The following KCNQ1OT1 variants were observed in gnomAD, a reference collection of about 807,000 sequenced individuals.
KCNQ1OT1 encodes the protein KCNQ1 opposite strand/antisense transcript 1, also known as KCNQ1 antisense RNA 2 (non-protein coding).
chr11:2,625,880 T>C (rs1044652825), exon 1 of KCNQ1OT1: 2 of 398,562 alleles, frequency 5.0e-6, no homozygotes, highest in Non-Finnish European at 8.8e-6. Flanking sequence ...TTTTGCCCAT[T>C]TTTCAGGTGC....
chr11:2,627,514 C>G lies in KCNQ1OT1; in HGVS notation n.72481G>C, dbSNP rs574299058. 3.3e-5 allele frequency: 13 copies of G among 398,380 alleles called. No homozygotes were observed. Among genetic ancestry groups the G allele is most frequent in the Non-Finnish European group, 1.3e-5 (3 of 226,040 alleles). 24.7% of individuals were successfully genotyped at this position (398,380 alleles called of 1,614,324 possible). ...TACTCTCCGTTTCTCTGAGTTCAAG[C>G]TTTTTAGAATTCCATATGTAACTGG... On this transcript the variant is annotated non_coding_transcript_exon_variant, in exon 1 of 1. Transcript: ENST00000597346. This position sits in a 1 kb window ranked among gnomAD's most constrained non-coding sequence, Gnocchi z 4.9.
chr11:2,666,771 C>G (rs1850078117), exon 1 of KCNQ1OT1: 1 of 398,762 alleles, frequency 2.5e-6, no homozygotes, highest in African/African-American at 2.1e-5. Context: ...AGTGTCTAAG[C>G]TCCTCACCAT....
Position 2,657,610 on chromosome 11 carries a change from A to G in KCNQ1OT1, n.42385T>C, listed in dbSNP as rs749567946. ...TACATTGACCAAAACTAAAAAATTAACATTGGTACACTATTAAGCTAGAGT... is the reference window on the plus strand; with the variant it reads ...TACATTGACCAAAACTAAAAAATTAGCATTGGTACACTATTAAGCTAGAGT... On this transcript the variant is annotated non_coding_transcript_exon_variant, in exon 1 of 1. Coordinates refer to ENST00000597346, the Ensembl canonical transcript of KCNQ1OT1. The surrounding 1 kb of genome is among the most constrained non-coding windows in gnomAD (Gnocchi z 4.8). 7.3e-5 allele frequency: 29 copies of G among 398,524 alleles called. No homozygotes were observed. The highest frequency in any genetic ancestry group is 1.1e-4 in the Non-Finnish European group (25 of 226,074). The allele number at this position is 398,524 out of a possible 1,614,324, so 24.7% of individuals were successfully genotyped here.
exon 1 of KCNQ1OT1, chr11:2,694,582 A>G (rs776832943): frequency 8.0e-5 from 32 of 398,522 alleles, no homozygotes; most frequent in Non-Finnish European, 1.2e-4. Flanking sequence ...ATGGAGGCAC[A>G]CTTTCCTGGC....
chr11:2,689,242 C>A, exon 1 of KCNQ1OT1: 1 of 398,720 alleles, frequency 2.5e-6, no homozygotes, highest in South Asian at 1.3e-4. Context: ...GCTTTGAAGT[C>A]AGCCCTTGGA....
exon 1 of KCNQ1OT1, chr11:2,610,457 GGTTTTTATGGATTTGA>G: frequency 2.5e-6 from 1 of 397,998 alleles, no homozygotes; most frequent in Non-Finnish European, 4.4e-6. Flanking sequence ...CCACTTTTTT[GGTTTTTATGGATTTGA>G]GTTACCAACT....
At position 2,621,910 on chromosome 11, in the gene KCNQ1OT1, C is replaced by T; in HGVS notation, n.78085G>A. 2.5e-6 allele frequency: 1 copy of T among 398,102 alleles called. No individual in the cohort carries two copies. Among genetic ancestry groups the T allele is most frequent in the Non-Finnish European group, 4.4e-6 (1 of 225,872 alleles). The allele number at this position is 398,102 out of a possible 1,614,324, so 24.7% of individuals were successfully genotyped here. The stretch of plus-strand genomic sequence containing the variant: ...GATCTTTATTATTTCCTTCTGTTAA[C>T]TTTGGCTTTAGTTTGTTCTTCTTTT... On this transcript the variant is annotated non_coding_transcript_exon_variant, in exon 1 of 1. Transcript: ENST00000597346. This position sits in a 1 kb window ranked among gnomAD's most constrained non-coding sequence, Gnocchi z 5.7.
Position 2,626,005 on chromosome 11 carries a change from G to A in KCNQ1OT1, n.73990C>T. 1 of 398,620 alleles carries A rather than the reference G, an allele frequency of 2.5e-6. No homozygotes were observed. The highest frequency in any genetic ancestry group is 4.4e-6 in the Non-Finnish European group (1 of 226,058). 24.7% of individuals were successfully genotyped at this position (398,620 alleles called of 1,614,324 possible). A position where few individuals can be genotyped will look rare whatever the true frequency, so the allele number is the denominator to read the frequency against. ...ATTCTGTAGGTTGTCTTATTGCTTA[G>A]TTGATATTATTTTAATGCACACAAT... On this transcript the variant is annotated non_coding_transcript_exon_variant, in exon 1 of 1. Transcript: ENST00000597346. This position sits in a 1 kb window ranked among gnomAD's most constrained non-coding sequence, Gnocchi z 4.0.
Position 2,658,051 on chromosome 11 carries a change from T to C in KCNQ1OT1, n.41944A>G. 1 of 398,554 alleles carries C rather than the reference T, an allele frequency of 2.5e-6. No individual in the cohort carries two copies. The highest frequency in any genetic ancestry group is 4.4e-6 in the Non-Finnish European group (1 of 226,046). The allele number at this position is 398,554 out of a possible 1,614,324, so 24.7% of individuals were successfully genotyped here. On this transcript the variant is annotated non_coding_transcript_exon_variant, in exon 1 of 1. Transcript: ENST00000597346. The surrounding 1 kb of genome is among the most constrained non-coding windows in gnomAD (Gnocchi z 4.9). ...GTCTTTAGAAGCGAGTCACTAAGTA[T>C]AGCCCACACTCAAGGTGGGGAAGGG...
At chr11:2,646,733 C>T (rs760860237) in exon 1 of KCNQ1OT1, 9 of 398,496 alleles carry the variant, frequency 2.3e-5, no homozygotes, top group Non-Finnish European at 2.2e-5. Context: ...CCAGGACAGT[C>T]TCAAACTCCT....
rs1372393402 is a variant in KCNQ1OT1, at chr11:2,659,804, TTG to T, written n.40189_40190del. On this transcript the variant is annotated non_coding_transcript_exon_variant, in exon 1 of 1. Coordinates refer to ENST00000597346, the Ensembl canonical transcript of KCNQ1OT1. This position sits in a 1 kb window ranked among gnomAD's most constrained non-coding sequence, Gnocchi z 4.3. The stretch of plus-strand genomic sequence containing the variant: ...TTTTTTTTTAATTTATGGAATTTCA[TTG>T]TGATTCTAATTTGCATTTCCATATT... 2 of 398,502 alleles carry T rather than the reference TTG, an allele frequency of 5.0e-6. No individual in the cohort carries two copies. Among genetic ancestry groups the T allele is most frequent in the African/African-American group, 4.1e-5 (2 of 48,742 alleles). The allele number at this position is 398,502 out of a possible 1,614,324, so 24.7% of individuals were successfully genotyped here.
chr11:2,679,163 C>CA lies in KCNQ1OT1; in HGVS notation n.20831dup. On this transcript the variant is annotated non_coding_transcript_exon_variant, in exon 1 of 1. Coordinates refer to ENST00000597346, the Ensembl canonical transcript of KCNQ1OT1. The surrounding 1 kb of genome is among the most constrained non-coding windows in gnomAD (Gnocchi z 4.8). ...TGGCATGAGTTGGGCAGCAGCGACTCAGTTTCCATGTCTGAGTTAGGCCAC... is the reference window on the plus strand; with the variant it reads ...TGGCATGAGTTGGGCAGCAGCGACTCAAGTTTCCATGTCTGAGTTAGGCCAC... 2 of 398,648 alleles carry CA rather than the reference C, an allele frequency of 5.0e-6. No individual in the cohort carries two copies. Among genetic ancestry groups the CA allele is most frequent in the East Asian group, 3.6e-5 (1 of 28,070 alleles). 24.7% of individuals were successfully genotyped at this position (398,648 alleles called of 1,614,324 possible).
chr11:2,653,584 C>T lies in KCNQ1OT1; in HGVS notation n.46411G>A, dbSNP rs540683693. 7.5e-6 allele frequency: 3 copies of T among 398,660 alleles called. No individual in the cohort carries two copies. Among genetic ancestry groups the T allele is most frequent in the Non-Finnish European group, 1.3e-5 (3 of 226,152 alleles). 24.7% of individuals were successfully genotyped at this position (398,660 alleles called of 1,614,324 possible). ...CCGTTCCCTCTTTTGTTCTCCCTTT[C>T]CCTTGCTCTCTATCCATTGGCCCCA... On this transcript the variant is annotated non_coding_transcript_exon_variant, in exon 1 of 1. Transcript: ENST00000597346. The surrounding 1 kb of genome is among the most constrained non-coding windows in gnomAD (Gnocchi z 5.3).
exon 1 of KCNQ1OT1, chr11:2,694,532 G>C (rs1054639184): frequency 2.5e-6 from 1 of 398,574 alleles, no homozygotes; most frequent in Admixed American, 4.4e-5. Context: ...CAAGGGGTCA[G>C]ATTTTGACAT....
Position 2,683,311 on chromosome 11 carries a change from A to T in KCNQ1OT1, n.16684T>A. The T allele has an allele frequency of 2.5e-6, 1 of 398,614 alleles. No individual in the cohort carries two copies. Among genetic ancestry groups the T allele is most frequent in the Non-Finnish European group, 4.4e-6 (1 of 226,046 alleles). 24.7% of individuals were successfully genotyped at this position (398,614 alleles called of 1,614,324 possible). ...TTTTAGTTTGCAAAACCAGACACAT[A>T]GAGGCCAGGTTTCCCCCGCTCAACA... is the stretch of plus-strand genomic sequence containing the variant. On this transcript the variant is annotated non_coding_transcript_exon_variant, in exon 1 of 1. Coordinates refer to ENST00000597346, the Ensembl canonical transcript of KCNQ1OT1. The surrounding 1 kb of genome is among the most constrained non-coding windows in gnomAD (Gnocchi z 4.7).
chr11:2,660,846 G>C lies in KCNQ1OT1; in HGVS notation n.39149C>G, dbSNP rs546801234. ...GGACACACCCTCTCACCCTGCTCCA[G>C]TATGTCAGCTTTTAAGAATAAAGAT... On this transcript the variant is annotated non_coding_transcript_exon_variant, in exon 1 of 1. Coordinates refer to ENST00000597346, the Ensembl canonical transcript of KCNQ1OT1. The C allele has an allele frequency of 2.5e-5, 10 of 398,598 alleles. No homozygotes were observed. The South Asian group carries it at 1.1e-3, about 46-fold the overall frequency. 24.7% of individuals were successfully genotyped at this position (398,598 alleles called of 1,614,324 possible). A position where few individuals can be genotyped will look rare whatever the true frequency, so the allele number is the denominator to read the frequency against.
Position 2,676,192 on chromosome 11 carries a change from C to A in KCNQ1OT1, n.23803G>T, listed in dbSNP as rs1054852638. 10 of 398,652 alleles carry A rather than the reference C, an allele frequency of 2.5e-5. No homozygotes were observed. In the Admixed American group the frequency reaches 3.1e-4, roughly 12 times the overall value. The allele number at this position is 398,652 out of a possible 1,614,324, so 24.7% of individuals were successfully genotyped here. On this transcript the variant is annotated non_coding_transcript_exon_variant, in exon 1 of 1. Transcript: ENST00000597346. The surrounding 1 kb of genome is among the most constrained non-coding windows in gnomAD (Gnocchi z 4.2). ...GCCTTTGACTTCTTCCATAGGTATG[C>A]CATACTTCTTTTTGAGCTGTACATA... is the stretch of plus-strand genomic sequence containing the variant.
exon 1 of KCNQ1OT1, chr11:2,640,815 C>G (rs1849564039): frequency 5.0e-6 from 2 of 398,786 alleles, no homozygotes; most frequent in Non-Finnish European, 8.8e-6. Flanking sequence ...ACTAACCAAC[C>G]TCTCTTCACC....
exon 1 of KCNQ1OT1, chr11:2,662,627 C>T (rs1354323360): frequency 2.4e-5 from 10 of 409,366 alleles, no homozygotes; most frequent in Middle Eastern, 6.1e-4. Context: ...GGCCAATCCC[C>T]GGTGCCCGGC....
Sources: gnomAD v4.1 joint callset for allele counts on GRCh38, gnomAD v4.1.1 for gene constraint, Gnocchi (gnomAD v3.1) non-coding constraint, MANE v1.5 for transcripts, NCBI Gene and HGNC (gene_info 2026-07-23, HGNC 2026-07-21) for gene names.